Variants in LRRC4C observed in about 807,000 individuals in gnomAD.
The protein encoded by LRRC4C is leucine-rich repeat-containing protein 4C.
LRRC4C carries 5 observed loss-of-function variants against 33.6 expected under a neutral mutation model. That is an observed-to-expected ratio of 0.15 (90% CI 0.08 to 0.31). The LOEUF (loss-of-function observed/expected upper bound fraction) is 0.31. Ranked by LOEUF, LRRC4C falls within the 10% of genes least tolerant of loss-of-function variation. LRRC4C has a pLI of 1.00. For missense variants in LRRC4C, 560 were observed against 796.7 expected (o/e 0.70, Z 3.58); for synonymous variants, 329 against 302.0 (o/e 1.09, Z -0.93).
intron 1 of LRRC4C, among the ~76,000 whole-genome samples, chr11:41,271,743 T>G (rs1269811113): frequency 2.0e-5 from 3 of 152,122 alleles, no homozygotes; most frequent in African/African-American, 7.2e-5. Context: ...TTGTCACTCA[T>G]TCCCCACTAT....
intron 2 of LRRC4C, among the ~76,000 whole-genome samples, chr11:40,902,439 C>T (rs1379191169): frequency 2.0e-5 from 3 of 152,024 alleles, no homozygotes; most frequent in East Asian, 3.9e-4. Context: ...ATTAGATCAA[C>T]GAATGACCTT....
At chr11:41,035,741 T>C in intron 1 of LRRC4C, among the ~76,000 whole-genome samples, 1 of 152,170 alleles carries the variant, frequency 6.6e-6, no homozygotes, top group Non-Finnish European at 1.5e-5. Flanking sequence ...ATAAGGAAAC[T>C]GAAACCAAAG....
At chr11:40,613,170 T>G (rs1314360569) in intron 3 of LRRC4C, among the ~76,000 whole-genome samples, 1 of 151,848 alleles carries the variant, frequency 6.6e-6, no homozygotes, top group Non-Finnish European at 1.5e-5. Flanking sequence ...GCACATCAAT[T>G]GACTCTTTCT....
chr11:40,501,848 C>A (rs1176888884), intron 3 of LRRC4C, among the ~76,000 whole-genome samples: 3 of 152,208 alleles, frequency 2.0e-5, no homozygotes, highest in Non-Finnish European at 4.4e-5. Context: ...GCTTGAATTT[C>A]TCCTTGGAAA....
At chr11:41,244,781 G>C (rs1174374995) in intron 1 of LRRC4C, among the ~76,000 whole-genome samples, 1 of 152,108 alleles carries the variant, frequency 6.6e-6, no homozygotes, top group Non-Finnish European at 1.5e-5. Flanking sequence ...TGGGACCACT[G>C]AACATAGAAC....
At position 41,169,100 on chromosome 11, in the gene LRRC4C, T is replaced by C. The variant is rs145004845; in HGVS notation, c.-495-235377A>G. On this transcript the variant is annotated intron_variant, in intron 1 of 6. Coordinates refer to ENST00000528697, the MANE Select transcript of LRRC4C (RefSeq NM_001258419.2). ...GAGCTACTATTCAAAAACCAGATTGTCTTTGAAGTTCTTAAACCTTCCTCA... is the reference window on the plus strand; with the variant it reads ...GAGCTACTATTCAAAAACCAGATTGCCTTTGAAGTTCTTAAACCTTCCTCA... Among the ~76,000 whole-genome samples, 137 of 152,322 alleles carry C rather than the reference T, an allele frequency of 9.0e-4. 1 individual carries two copies. Among genetic ancestry groups the C allele is most frequent in the African/African-American group, 3.2e-3 (134 of 41,588 alleles).
chr11:40,947,656 G>A (rs990896406), intron 1 of LRRC4C, among the ~76,000 whole-genome samples: 7 of 151,970 alleles, frequency 4.6e-5, no homozygotes, highest in Admixed American at 4.6e-4. Flanking sequence ...GAGAAGGAAC[G>A]TGTACAGATC....
intron 1 of LRRC4C, among the ~76,000 whole-genome samples, chr11:41,328,167 T>C (rs1951181234): frequency 6.6e-6 from 1 of 152,148 alleles, no homozygotes; most frequent in South Asian, 2.1e-4. Context: ...ATCTTTCCTG[T>C]GGGCTAACTT....
chr11:40,615,471 A>G (rs993284572), intron 3 of LRRC4C, among the ~76,000 whole-genome samples: 3 of 151,556 alleles, frequency 2.0e-5, no homozygotes, highest in East Asian at 3.9e-4. Context: ...CCATTTCTCT[A>G]TTTGAAGCTA....
chr11:40,671,766 T>C (rs1208278043), intron 2 of LRRC4C, among the ~76,000 whole-genome samples: 1 of 151,964 alleles, frequency 6.6e-6, no homozygotes, highest in Non-Finnish European at 1.5e-5. Flanking sequence ...TCATAATCCT[T>C]GTCTCTTATC....
At chr11:40,948,457 G>T (rs1178800324) in intron 1 of LRRC4C, among the ~76,000 whole-genome samples, 1 of 149,748 alleles carries the variant, frequency 6.7e-6, no homozygotes, top group Non-Finnish European at 1.5e-5. Flanking sequence ...ATGCTGGTGC[G>T]CTGCACCCAC....
intron 1 of LRRC4C, among the ~76,000 whole-genome samples, chr11:41,335,894 G>A (rs1010252579): frequency 6.6e-6 from 1 of 152,158 alleles, no homozygotes; most frequent in Non-Finnish European, 1.5e-5. Flanking sequence ...AGGGAGCATG[G>A]CATCCATATT....
At position 41,167,608 on chromosome 11, in the gene LRRC4C, T is replaced by C. The variant is rs370745276; in HGVS notation, c.-495-233885A>G. On this transcript the variant is annotated intron_variant, in intron 1 of 6. Coordinates refer to ENST00000528697, the MANE Select transcript of LRRC4C (RefSeq NM_001258419.2). ...ACTCCACAACTGGAAACACTTTTCT[T>C]GCACTCACATCTAATTAACAGTACT... is the stretch of plus-strand genomic sequence containing the variant. 1.2e-3 allele frequency among the ~76,000 whole-genome samples: 178 copies of C among 152,304 alleles called. 1 individual carries two copies. Among genetic ancestry groups the C allele is most frequent in the African/African-American group, 4.0e-3 (167 of 41,580 alleles).
At chr11:40,824,179 T>C (rs749304946) in intron 2 of LRRC4C, among the ~76,000 whole-genome samples, 3 of 151,680 alleles carry the variant, frequency 2.0e-5, no homozygotes, top group Non-Finnish European at 4.4e-5. Context: ...GAGGGAAATT[T>C]GGGGGTTGAT....
intron 1 of LRRC4C, among the ~76,000 whole-genome samples, chr11:40,982,594 A>C (rs556248826): frequency 6.6e-6 from 1 of 152,176 alleles, no homozygotes; most frequent in Non-Finnish European, 1.5e-5. Flanking sequence ...TGCCACTGCT[A>C]TTCTGTGGAC....
Position 40,844,173 on chromosome 11 carries a change from G to C in LRRC4C, c.-407+89462C>G, listed in dbSNP as rs77475285. On this transcript the variant is annotated intron_variant, in intron 2 of 6. Transcript: ENST00000528697. ...ATTGAACTAGTTTACAGTCATGTTG[G>C]CACATGTATACGTATGTAACTAACC... Among the ~76,000 whole-genome samples, 1,494 of 151,862 alleles carry C rather than the reference G, an allele frequency of 9.8e-3. 23 individuals are homozygous for C. Among genetic ancestry groups the C allele is most frequent in the African/African-American group, 0.033 (1,362 of 41,432 alleles).
intron 1 of LRRC4C, among the ~76,000 whole-genome samples, chr11:40,964,268 G>T (rs1461011664): frequency 6.6e-6 from 1 of 151,594 alleles, no homozygotes; most frequent in African/African-American, 2.4e-5. Context: ...ACGCTGAAAA[G>T]CTGCAAGTGG....
chr11:40,705,270 G>C (rs946051471), intron 2 of LRRC4C, among the ~76,000 whole-genome samples: 2 of 151,864 alleles, frequency 1.3e-5, no homozygotes, highest in Non-Finnish European at 2.9e-5. Flanking sequence ...GGTTTGTTAC[G>C]TATGTATATA....
intron 1 of LRRC4C, among the ~76,000 whole-genome samples, chr11:41,236,065 T>G (rs2136503144): frequency 6.6e-6 from 1 of 152,220 alleles, no homozygotes; most frequent in African/African-American, 2.4e-5. Flanking sequence ...TTGGTGAAGC[T>G]TCTGGGGAAG....
Sources: allele counts gnomAD v4.1 joint callset (sites outside exome capture counted in the v4.1 genomes callset), GRCh38; gene constraint gnomAD v4.1.1; transcripts MANE v1.5; gene names NCBI Gene and HGNC (gene_info 2026-07-23, HGNC 2026-07-21).